GGA3: variants seen among roughly 807,000 people sequenced by gnomAD.
The protein encoded by GGA3 is golgi associated, gamma adaptin ear containing, ARF binding protein 3, also known as ADP-ribosylation factor-binding protein GGA3.
Under a neutral mutation model 77.5 loss-of-function variants are expected in GGA3, and 57 were observed. The ratio of observed to expected loss-of-function variants is 0.74; its 90% confidence interval spans 0.59 to 0.92. The LOEUF is 0.92. GGA3 is among the 40% of genes least tolerant of loss of function. The probability of loss-of-function intolerance (pLI) is 0.00; values close to 1 mark genes in which losing one functional copy is unlikely to be tolerated. For missense variants in GGA3, 970 were observed against 914.9 expected, an observed-to-expected ratio of 1.06 and a Z score of -0.78; for synonymous variants, 416 against 383.7, an observed-to-expected ratio of 1.08 and a Z score of -0.98.
Position 75,242,453 on chromosome 17 carries a change from C to T in GGA3, c.630G>A (p.Lys210=), listed in dbSNP as rs1242257443. 2 of 1,614,070 alleles carry T rather than the reference C, an allele frequency of 1.2e-6. No homozygotes were observed. Among genetic ancestry groups the T allele is most frequent in the Non-Finnish European group, 1.7e-6 (2 of 1,180,036 alleles). The change falls in exon 8 of 17, where the codon AAG becomes AAA. Residue 210 remains lysine, a synonymous_variant. Coordinates refer to ENST00000537686, the MANE Select transcript of GGA3 (RefSeq NM_138619.4). ...MVKEDEARIQ[K]VTKRLHTLEE... is the part of the protein sequence containing the mutation. The stretch of plus-strand genomic sequence containing the variant: ...CTAACGTGTGCAGACGCTTGGTCAC[C>T]TTCTGGATCCGTGCCTCGTCCTGCC...
intron 1 of GGA3, among the ~76,000 whole-genome samples, chr17:75,253,489 T>G (rs948094181): frequency 1.5e-4 from 23 of 152,312 alleles, no homozygotes; most frequent in Admixed American, 1.3e-3. Flanking sequence ...TCCTTCACCC[T>G]TAGCGGCAAG....
intron 4 of GGA3, 67 bp downstream of exon 4, chr17:75,244,552 G>T (rs765544318): frequency 2.1e-6 from 2 of 968,986 alleles, no homozygotes; most frequent in South Asian, 1.3e-5. Context: ...GTGAAAGCCA[G>T]TATGATGGGA....
intron 1 of GGA3, among the ~76,000 whole-genome samples, chr17:75,255,298 T>C (rs2077106317): frequency 6.6e-6 from 1 of 151,966 alleles, no homozygotes; most frequent in African/African-American, 2.4e-5. Context: ...TAAGCACTCG[T>C]TTTTAGTTAT....
intron 1 of GGA3, among the ~76,000 whole-genome samples, chr17:75,252,105 G>A (rs908836673): frequency 6.6e-6 from 1 of 151,644 alleles, no homozygotes; most frequent in Non-Finnish European, 1.5e-5. Flanking sequence ...TTTGAGACGG[G>A]GTCTCACTCT....
intron 1 of GGA3, among the ~76,000 whole-genome samples, chr17:75,254,499 T>C (rs1359797651): frequency 6.6e-6 from 1 of 152,178 alleles, no homozygotes; most frequent in Non-Finnish European, 1.5e-5. Flanking sequence ...AGTTCATGGC[T>C]CGTTCGGCAG....
chr17:75,242,664 C>G (rs2076601797), intron 7 of GGA3, among the ~76,000 whole-genome samples, 167 bp downstream of exon 7: 1 of 152,180 alleles, frequency 6.6e-6, no homozygotes, highest in Admixed American at 6.5e-5. Context: ...CTTCCGTGCT[C>G]CCGCGGAAGC....
intron 12 of GGA3, 46 bp from the exon 13 acceptor site, chr17:75,240,154 G>GGGGGGC: frequency 1.1e-5 from 5 of 465,518 alleles, no homozygotes; most frequent in African/African-American, 2.0e-5. Flanking sequence ...GGTGGGGAGG[G>GGGGGGC]CCTGCCGCTG....
At chr17:75,262,081 G>A (rs1248470093), upstream of GGA3, 7 of 1,402,992 alleles carry the variant, frequency 5.0e-6, no homozygotes, top group African/African-American at 8.5e-5. Flanking sequence ...TGCCCTGGGG[G>A]CCGGAGTATC....
chr17:75,239,479 C>A lies in GGA3; in HGVS notation c.1676G>T (p.Ser559Ile). Residue 559 changes from serine (S) to isoleucine (I), a missense_variant, in exon 14 of 17, where the codon AGC becomes ATC. Coordinates refer to ENST00000537686, the MANE Select transcript of GGA3 (RefSeq NM_138619.4). ...GAAACTCAGTGGCTGGAAGAGCGGG[C>A]TGCCGGGCCCCGTGGAGAAGGGCAG... ...PLLPFSTGPG[S>I]PLFQPLSFQS... 4 of 1,579,166 alleles carry A rather than the reference C, an allele frequency of 2.5e-6. No homozygotes were observed. The highest frequency in any genetic ancestry group is 3.4e-6 in the Non-Finnish European group (4 of 1,169,836).
intron 1 of GGA3, among the ~76,000 whole-genome samples, chr17:75,257,032 C>T (rs910495198): frequency 6.6e-6 from 1 of 151,994 alleles, no homozygotes; most frequent in Non-Finnish European, 1.5e-5. Flanking sequence ...TCAGTGAAAC[C>T]TTTATATCCC....
At chr17:75,244,445 C>T (rs548339530) in intron 4 of GGA3, 174 bp downstream of exon 4, 2 of 615,178 alleles carry the variant, frequency 3.3e-6, no homozygotes, top group Non-Finnish European at 5.8e-6. Flanking sequence ...AGCTGCCGGT[C>T]CCTGTGGCCT....
chr17:75,240,129 G>A (rs1179613810), intron 12 of GGA3, 21 bp from the exon 13 acceptor site: 17 of 1,484,534 alleles, frequency 1.1e-5, no homozygotes, highest in Non-Finnish European at 1.5e-5. Flanking sequence ...CAGAAAGGGT[G>A]GTGAGCCGAG....
At chr17:75,261,910 C>T (rs773321093), upstream of GGA3, 15 of 1,608,864 alleles carry the variant, frequency 9.3e-6, no homozygotes, top group East Asian at 2.9e-4. Context: ...GATGGCTGCC[C>T]CCGCAGTGAA....
intron 16 of GGA3, 66 bp from the exon 17 acceptor site, chr17:75,238,455 G>A (rs1442726159): frequency 5.9e-6 from 8 of 1,358,102 alleles, no homozygotes; most frequent in Non-Finnish European, 7.3e-6. Flanking sequence ...CCTCTATTCT[G>A]CTACCCTCTC....
chr17:75,260,452 T>C (rs8073890), intron 1 of GGA3, among the ~76,000 whole-genome samples: 115,478 of 152,194 alleles, frequency 0.76, 48,260 homozygotes, highest in East Asian at 0.92. Flanking sequence ...CCTTATGACC[T>C]GCCTGCAACT....
chr17:75,247,156 T>C (rs185402021), intron 1 of GGA3, among the ~76,000 whole-genome samples: 13 of 152,214 alleles, frequency 8.5e-5, no homozygotes, highest in African/African-American at 1.9e-4. Context: ...ACTCCAGCTA[T>C]ATAAAAATGA....
Position 75,238,048 on chromosome 17 carries a change from G to A in GGA3, c.*231C>T. 3.0e-6 allele frequency: 4 copies of A among 1,351,648 alleles called. No homozygotes were observed. The highest frequency in any genetic ancestry group is 2.8e-6 in the Non-Finnish European group (3 of 1,053,332). 83.7% of individuals were successfully genotyped at this position (1,351,648 alleles called of 1,614,324 possible). A position where few individuals can be genotyped will look rare whatever the true frequency, so the allele number is the denominator to read the frequency against. On this transcript the variant is annotated 3_prime_UTR_variant, in exon 17 of 17. Transcript: ENST00000537686. ...CAGGGGCCACTCCGCACCCCTGACA[G>A]CATATGGCCACTTCAAGTCACACAG...
At chr17:75,240,624 G>A in intron 11 of GGA3, 188 bp downstream of exon 11, 1 of 707,092 alleles carries the variant, frequency 1.4e-6, no homozygotes, top group Non-Finnish European at 2.3e-6. Flanking sequence ...AGGGCAGGAG[G>A]CAGAGTCCAC....
At chr17:75,240,467 G>T in intron 11 of GGA3, 55 bp from the exon 12 acceptor site, 4 of 1,159,324 alleles carry the variant, frequency 3.5e-6, no homozygotes, top group Non-Finnish European at 5.0e-6. Context: ...GGCAGCCCTA[G>T]CCCCGCCTTG....
Sources: gnomAD v4.1 joint callset for allele counts (sites outside exome capture counted in the v4.1 genomes callset) on GRCh38, gnomAD v4.1.1 for gene constraint, MANE v1.5 for transcripts, NCBI Gene and HGNC (gene_info 2026-07-23, HGNC 2026-07-21) for gene names.